The following ITPK1 variants were observed in gnomAD, a reference collection of about 807,000 sequenced individuals.
The protein encoded by ITPK1 is inositol 1,3,4-trisphosphate 5/6-kinase.
Under a neutral mutation model 45.3 loss-of-function variants are expected in ITPK1, and 21 were observed. The observed-to-expected ratio is 0.46, with a 90% CI of 0.33 to 0.67. The LOEUF is 0.67. Ranked by LOEUF, ITPK1 falls within the 30% of genes least tolerant of loss-of-function variation. The pLI is 0.02. For synonymous variants in ITPK1, 258 were observed against 253.6 expected (o/e 1.02, Z -0.16); for missense variants, 474 against 573.5 (o/e 0.83, Z 1.77).
chr14:93,074,392 T>C (rs997385239), intron 3 of ITPK1, among the ~76,000 whole-genome samples: 4 of 152,206 alleles, frequency 2.6e-5, no homozygotes, highest in Non-Finnish European at 5.9e-5. Flanking sequence ...AGTCTAAATC[T>C]TCCCAGAATG....
At chr14:92,987,796 A>G (rs1034253264) in intron 5 of ITPK1, among the ~76,000 whole-genome samples, 1 of 152,192 alleles carries the variant, frequency 6.6e-6, no homozygotes, top group Non-Finnish European at 1.5e-5. Flanking sequence ...CTGGTTCCAC[A>G]TGCTCTGGGG....
intron 3 of ITPK1, among the ~76,000 whole-genome samples, chr14:93,066,889 G>A (rs1343627874): frequency 6.6e-6 from 1 of 152,140 alleles, no homozygotes; most frequent in Non-Finnish European, 1.5e-5. Context: ...GCTGGACAAG[G>A]AGCACAGTCC....
At chr14:92,997,822 T>C (rs1234712414) in intron 4 of ITPK1, among the ~76,000 whole-genome samples, 1 of 152,178 alleles carries the variant, frequency 6.6e-6, no homozygotes, top group African/African-American at 2.4e-5. Context: ...GGAACACACC[T>C]GGGGCAGAGC....
intron 3 of ITPK1, among the ~76,000 whole-genome samples, chr14:93,023,005 T>G (rs2139870829): frequency 6.6e-6 from 1 of 152,284 alleles, no homozygotes; most frequent in African/African-American, 2.4e-5. Flanking sequence ...ATAAAAGGAC[T>G]GTGGGTATAG....
rs541249232 is a variant in ITPK1 at position 93,024,862 on chromosome 14, C to T, written c.121-8061G>A. 3.9e-5 allele frequency among the ~76,000 whole-genome samples: 6 copies of T among 152,290 alleles called. No homozygotes were observed. The East Asian group carries it at 1.2e-3, about 29-fold the overall frequency. ...CACAGGCTCCTGAGCCTTCTGCCTT[C>T]ATCAGGAAGGGGAGTGGGCCGACAA... On this transcript the variant is annotated intron_variant, in intron 3 of 10. Transcript: ENST00000267615.
At chr14:92,968,218 G>A (rs569562603) in intron 5 of ITPK1, among the ~76,000 whole-genome samples, 1 of 152,076 alleles carries the variant, frequency 6.6e-6, no homozygotes, top group South Asian at 2.1e-4. Flanking sequence ...TAATCCCAGC[G>A]ACTCGGGGAG....
chr14:93,091,053 G>A (rs1345094490), intron 2 of ITPK1, among the ~76,000 whole-genome samples: 2 of 152,224 alleles, frequency 1.3e-5, no homozygotes, highest in African/African-American at 2.4e-5. Flanking sequence ...CAGGGAGATG[G>A]CTCACCGTGT....
At chr14:93,029,068 T>G (rs1888899212) in intron 3 of ITPK1, among the ~76,000 whole-genome samples, 1 of 152,156 alleles carries the variant, frequency 6.6e-6, no homozygotes. Flanking sequence ...CTGAATTGAT[T>G]CCCCAAAGCT....
Position 92,940,830 on chromosome 14 carries a change from A to C in ITPK1, c.*731T>G. On this transcript the variant is annotated 3_prime_UTR_variant, in exon 11 of 11. Transcript: ENST00000267615. ...CCAGGCAGCCTCCTTCCCGGGCTCCAGGGAGCAGCAGTGCTGGCTTAGGGG... is the reference window on the plus strand; with the variant it reads ...CCAGGCAGCCTCCTTCCCGGGCTCCCGGGAGCAGCAGTGCTGGCTTAGGGG... 7.8e-7 allele frequency: 1 copy of C among 1,286,686 alleles called. No homozygotes were observed. The highest frequency in any genetic ancestry group is 1.2e-5 in the South Asian group (1 of 80,626). 79.7% of individuals were successfully genotyped at this position (1,286,686 alleles called of 1,614,324 possible).
intron 4 of ITPK1, among the ~76,000 whole-genome samples, chr14:93,013,473 TCA>T (rs1359658834): frequency 3.3e-5 from 5 of 152,078 alleles, no homozygotes; most frequent in Admixed American, 6.5e-5. Context: ...ACCGGAACTT[TCA>T]CAGAGGCAGC....
chr14:93,016,020 G>A lies in ITPK1; in HGVS notation c.246+656C>T, dbSNP rs1201819969. Among the ~76,000 whole-genome samples, 2 of 152,170 alleles carry A rather than the reference G, an allele frequency of 1.3e-5. No homozygotes were observed. The highest frequency in any genetic ancestry group is 2.4e-5 in the African/African-American group (1 of 41,414). On this transcript the variant is annotated intron_variant, in intron 4 of 10. Coordinates refer to ENST00000267615, the MANE Select transcript of ITPK1 (RefSeq NM_014216.6). The surrounding 1 kb of genome is among the most constrained non-coding windows in gnomAD (Gnocchi z 5.0). ...TACAACTTTGTTTTTCATGACCTCTGAGCCGCTTTCTAGAGGACAGAATCA... is the reference window on the plus strand; with the variant it reads ...TACAACTTTGTTTTTCATGACCTCTAAGCCGCTTTCTAGAGGACAGAATCA...
At chr14:93,004,754 G>C (rs1045954407) in intron 4 of ITPK1, among the ~76,000 whole-genome samples, 2 of 152,060 alleles carry the variant, frequency 1.3e-5, no homozygotes, top group Non-Finnish European at 2.9e-5. Context: ...GGGCTGACCA[G>C]CAATAAAGGA....
At chr14:92,944,820 C>T (rs1057172175) in intron 10 of ITPK1, among the ~76,000 whole-genome samples, 1 of 152,198 alleles carries the variant, frequency 6.6e-6, no homozygotes, top group Non-Finnish European at 1.5e-5. Context: ...GTTTCCTCCC[C>T]ACTGCACCCA....
At chr14:92,949,920 C>T (rs1410516551) in intron 9 of ITPK1, among the ~76,000 whole-genome samples, 3 of 152,164 alleles carry the variant, frequency 2.0e-5, no homozygotes, top group East Asian at 1.9e-4. Context: ...TTCATGGGTC[C>T]CCAGTGGGCC....
At chr14:92,995,763 TGA>T (rs1387753510) in intron 4 of ITPK1, among the ~76,000 whole-genome samples, 1 of 152,244 alleles carries the variant, frequency 6.6e-6, no homozygotes, top group Non-Finnish European at 1.5e-5. Flanking sequence ...AACCAGGCAC[TGA>T]TGCGGGAGAG....
intron 2 of ITPK1, among the ~76,000 whole-genome samples, chr14:93,093,712 C>T (rs192422444): frequency 4.5e-4 from 69 of 152,296 alleles, no homozygotes; most frequent in East Asian, 1.5e-3. Context: ...GAGGAATAGC[C>T]GAGGTTGCTA....
intron 2 of ITPK1, among the ~76,000 whole-genome samples, chr14:93,078,591 A>G (rs1257342075): frequency 6.6e-6 from 1 of 152,184 alleles, no homozygotes; most frequent in Non-Finnish European, 1.5e-5. Context: ...GCCAATATCC[A>G]TCTGCTTCCA....
chr14:92,992,611 G>T (rs1288607973), intron 5 of ITPK1, among the ~76,000 whole-genome samples: 1 of 152,230 alleles, frequency 6.6e-6, no homozygotes, highest in African/African-American at 2.4e-5. Flanking sequence ...TCTTCTGCAG[G>T]GCACATTCCT....
chr14:93,066,300 G>A lies in ITPK1; in HGVS notation c.120+10295C>T, dbSNP rs776768176. ...CAGCTTGGTGTGCGTGCGTGTGTGC[G>A]CGTGCATGTGTGTGTGTGTATGTGT... On this transcript the variant is annotated intron_variant, in intron 3 of 10. Coordinates refer to ENST00000267615, the MANE Select transcript of ITPK1 (RefSeq NM_014216.6). 3.7e-4 allele frequency: 166 copies of A among 453,602 alleles called. 1 individual carries two copies. Among genetic ancestry groups the A allele is most frequent in the Admixed American group, 1.1e-3 (47 of 42,418 alleles). The allele number at this position is 453,602 out of a possible 1,614,324, so 28.1% of individuals were successfully genotyped here. A position where few individuals can be genotyped will look rare whatever the true frequency, so the allele number is the denominator to read the frequency against.
Sources: allele counts gnomAD v4.1 joint callset (sites outside exome capture counted in the v4.1 genomes callset), GRCh38; gene constraint gnomAD v4.1.1; non-coding constraint Gnocchi (gnomAD v3.1); transcripts MANE v1.5; gene names NCBI Gene and HGNC (gene_info 2026-07-23, HGNC 2026-07-21).